CSMD1: variants seen among roughly 807,000 people sequenced by gnomAD.
The protein encoded by CSMD1 is CUB and Sushi multiple domains 1.
Under a neutral mutation model 417.5 loss-of-function variants are expected in CSMD1, and 213 were observed. The ratio of observed to expected loss-of-function variants is 0.51; its 90% CI spans 0.46 to 0.57. CSMD1 has a LOEUF of 0.57. Among genes scored for constraint, CSMD1 ranks in the 20% least tolerant of loss-of-function variants. The pLI is 0.00. For missense variants in CSMD1, 6,923 were observed against 4,529.7 expected, an observed-to-expected ratio of 1.53 and a Z score of -15.17; for synonymous variants, 2,862 against 1,736.8, an observed-to-expected ratio of 1.65 and a Z score of -16.11.
At chr8:3,847,207 A>T (rs1471013321) in intron 5 of CSMD1, among the ~76,000 whole-genome samples, 1 of 152,092 alleles carries the variant, frequency 6.6e-6, no homozygotes. Flanking sequence ...TCTTACCATT[A>T]TGTTACATTA....
chr8:3,962,220 T>C (rs1812377990), intron 5 of CSMD1, among the ~76,000 whole-genome samples: 1 of 152,150 alleles, frequency 6.6e-6, no homozygotes, highest in Non-Finnish European at 1.5e-5. Flanking sequence ...GTTTTGCACC[T>C]GTCAAGATTT....
chr8:4,067,210 ATCT>A (rs1299851347), intron 3 of CSMD1, among the ~76,000 whole-genome samples: 1 of 152,218 alleles, frequency 6.6e-6, no homozygotes, highest in Admixed American at 6.5e-5. Flanking sequence ...CTATTTTATC[ATCT>A]TTTTTCTACA....
chr8:3,444,141 C>G (rs1374915093), intron 12 of CSMD1, among the ~76,000 whole-genome samples: 1 of 152,092 alleles, frequency 6.6e-6, no homozygotes, highest in Non-Finnish European at 1.5e-5. Context: ...AGAAATCAAG[C>G]AGTGATTAAT....
intron 5 of CSMD1, among the ~76,000 whole-genome samples, chr8:3,764,917 C>T (rs780328652): frequency 1.1e-4 from 16 of 151,578 alleles, no homozygotes; most frequent in East Asian, 2.0e-4. Context: ...AGCTCATTTT[C>T]GTATTTTTAG....
chr8:2,961,532 A>C (rs2128925607), intron 61 of CSMD1, among the ~76,000 whole-genome samples: 1 of 152,144 alleles, frequency 6.6e-6, no homozygotes, highest in South Asian at 2.1e-4. Context: ...TTCAATAATG[A>C]CCTATCACTA....
intron 7 of CSMD1, among the ~76,000 whole-genome samples, chr8:3,652,896 A>G (rs1328198303): frequency 6.6e-6 from 1 of 152,210 alleles, no homozygotes. Context: ...TACATATTTA[A>G]TGAATGAATA....
At chr8:3,218,497 G>A (rs977962926) in intron 29 of CSMD1, among the ~76,000 whole-genome samples, 2 of 149,532 alleles carry the variant, frequency 1.3e-5, no homozygotes, top group South Asian at 4.2e-4. Context: ...GGAGGCAGAG[G>A]TTGCAGTGAG....
In CSMD1 at chr8:3,829,464, C is replaced by T. The variant is rs1020705062; in HGVS notation, c.819-75422G>A. 3.9e-5 allele frequency among the ~76,000 whole-genome samples: 6 copies of T among 152,212 alleles called. No homozygotes were observed. The East Asian group carries it at 1.2e-3, about 29-fold the overall frequency. On this transcript the variant is annotated intron_variant, in intron 5 of 69. Transcript: ENST00000635120. Reference sequence around the variant, plus strand: ...CATGAATTCAGGTTATCTGCAGAGCCCTTGCCGCCACCCTGCTGTTCTTGA... The same window carrying T: ...CATGAATTCAGGTTATCTGCAGAGCTCTTGCCGCCACCCTGCTGTTCTTGA...
In CSMD1 at chr8:3,963,627, T is replaced by C. The variant is rs188828582; in HGVS notation, c.818+34276A>G. 1.9e-4 allele frequency among the ~76,000 whole-genome samples: 29 copies of C among 152,362 alleles called. No individual in the cohort carries two copies. The South Asian group carries it at 2.1e-3, about 11-fold the overall frequency. On this transcript the variant is annotated intron_variant, in intron 5 of 69. Transcript: ENST00000635120. ...TAAATTTAGTAGCACATATGGTATA[T>C]TGTTTCATTTTTAAATACTAAAGCT...
intron 3 of CSMD1, among the ~76,000 whole-genome samples, chr8:4,197,168 G>C (rs1020418097): frequency 6.6e-6 from 1 of 152,090 alleles, no homozygotes. Flanking sequence ...TTCTCCTACG[G>C]TCAAAAAATG....
At position 3,868,826 on chromosome 8, in the gene CSMD1, A is replaced by C. The variant is rs551993921; in HGVS notation, c.819-114784T>G. 2.0e-5 allele frequency among the ~76,000 whole-genome samples: 3 copies of C among 152,186 alleles called. No individual in the cohort carries two copies. The East Asian group carries it at 5.8e-4, about 29-fold the overall frequency. ...TCTGATCAGTCGTGTTTCATGGCCA[A>C]TGTGCTCATCCAAGCCACCATTTTC... is the stretch of plus-strand genomic sequence containing the variant. On this transcript the variant is annotated intron_variant, in intron 5 of 69. Coordinates refer to ENST00000635120, the MANE Select transcript of CSMD1 (RefSeq NM_033225.6).
chr8:4,736,531 C>A (rs1810247269), intron 1 of CSMD1, among the ~76,000 whole-genome samples: 3 of 152,226 alleles, frequency 2.0e-5, no homozygotes, highest in Middle Eastern at 3.4e-3. Context: ...GCCATGACAG[C>A]ATGACAGCTG....
At chr8:3,850,321 G>A (rs1215913912) in intron 5 of CSMD1, among the ~76,000 whole-genome samples, 1 of 152,020 alleles carries the variant, frequency 6.6e-6, no homozygotes, top group Admixed American at 6.6e-5. Context: ...GTTTTCCATA[G>A]GGTCTCACCC....
At chr8:3,635,971 C>G (rs1020656724) in intron 7 of CSMD1, among the ~76,000 whole-genome samples, 2 of 152,084 alleles carry the variant, frequency 1.3e-5, no homozygotes, top group Non-Finnish European at 2.9e-5. Flanking sequence ...TAGCTTTTGG[C>G]TCTTTTGTAA....
chr8:3,888,445 A>G (rs528584847), intron 5 of CSMD1, among the ~76,000 whole-genome samples: 1 of 152,278 alleles, frequency 6.6e-6, no homozygotes, highest in East Asian at 1.9e-4. Context: ...TCATGTGCAA[A>G]TGCATAATTA....
chr8:3,586,786 C>G (rs1363263694), intron 8 of CSMD1, among the ~76,000 whole-genome samples: 1 of 151,994 alleles, frequency 6.6e-6, no homozygotes, highest in East Asian at 1.9e-4. Context: ...GAATATTTTA[C>G]TTTTCTTTTG....
intron 5 of CSMD1, among the ~76,000 whole-genome samples, chr8:3,819,131 G>C (rs1187121311): frequency 6.6e-6 from 1 of 152,150 alleles, no homozygotes; most frequent in Non-Finnish European, 1.5e-5. Flanking sequence ...AAGATTTGCT[G>C]GTCTAGCAGG....
In CSMD1 at chr8:3,995,019, A is replaced by T. The variant is rs951144132; in HGVS notation, c.818+2884T>A. ...TTGGGAAGAGGTCGCAGCACCCACAATGCTCCCCGTCCCTGTCTATGCAAT... is the reference window on the plus strand; with the variant it reads ...TTGGGAAGAGGTCGCAGCACCCACATTGCTCCCCGTCCCTGTCTATGCAAT... On this transcript the variant is annotated intron_variant, in intron 5 of 69. Coordinates refer to ENST00000635120, the MANE Select transcript of CSMD1 (RefSeq NM_033225.6). Among the ~76,000 whole-genome samples the T allele has an allele frequency of 2.0e-5, 3 of 152,170 alleles. No individual in the cohort carries two copies. In the East Asian group the frequency reaches 5.8e-4, roughly 30 times the overall value.
At chr8:3,634,639 G>A (rs1388797648) in intron 7 of CSMD1, among the ~76,000 whole-genome samples, 1 of 152,040 alleles carries the variant, frequency 6.6e-6, no homozygotes, top group African/African-American at 2.4e-5. Flanking sequence ...TACTTAACTC[G>A]AGAGTGGTAC....
Sources: allele counts gnomAD v4.1 joint callset (sites outside exome capture counted in the v4.1 genomes callset), GRCh38; gene constraint gnomAD v4.1.1; transcripts MANE v1.5; gene names NCBI Gene and HGNC (gene_info 2026-07-23, HGNC 2026-07-21).